UBAC1: variants seen among roughly 807,000 people sequenced by gnomAD.
The protein encoded by UBAC1 is ubiquitin-associated domain-containing protein 1.
A neutral mutation model predicts 45.9 loss-of-function variants in UBAC1; 27 were observed. The ratio of observed to expected loss-of-function variants is 0.59; its 90% CI spans 0.43 to 0.81. The LOEUF (loss-of-function observed/expected upper bound fraction) is 0.81, where lower values mean the gene tolerates loss of function less well. Ranked by LOEUF, UBAC1 falls within the 30% of genes least tolerant of loss-of-function variation. The pLI, the probability that UBAC1 is intolerant of heterozygous loss-of-function variation, is 0.00. For synonymous variants in UBAC1, 227 were observed against 215.5 expected, an observed-to-expected ratio of 1.05 and a Z score of -0.47; for missense variants, 529 against 539.2, an observed-to-expected ratio of 0.98 and a Z score of 0.19.
At chr9:135,954,256 G>T (rs1839440645) in intron 2 of UBAC1, among the ~76,000 whole-genome samples, 1 of 151,908 alleles carries the variant, frequency 6.6e-6, no homozygotes, top group Non-Finnish European at 1.5e-5. Flanking sequence ...GACCAGCCTG[G>T]ACAACATGGC....
In UBAC1 at chr9:135,933,290, G is replaced by A; in HGVS notation, c.*110C>T. ...AGGAGCAGCTGCAGCACCTCTAACAGTCCAGGGCTGAGGCGCTGAAGGTGA... is the reference window on the plus strand; with the variant it reads ...AGGAGCAGCTGCAGCACCTCTAACAATCCAGGGCTGAGGCGCTGAAGGTGA... On this transcript the variant is annotated 3_prime_UTR_variant, in exon 10 of 10. Coordinates refer to ENST00000371756, the MANE Select transcript of UBAC1 (RefSeq NM_016172.3). 1 of 836,022 alleles carries A rather than the reference G, an allele frequency of 1.2e-6. No homozygotes were observed. The highest frequency in any genetic ancestry group is 1.5e-5 in the South Asian group (1 of 66,576). The allele number at this position is 836,022 out of a possible 1,614,324, so 51.8% of individuals were successfully genotyped here.
chr9:135,945,121 C>T lies in UBAC1; in HGVS notation c.783G>A (p.Ala261=), dbSNP rs149265068. 3.5e-4 allele frequency: 569 copies of T among 1,614,024 alleles called. 2 individuals are homozygous for T. Among genetic ancestry groups the T allele is most frequent in the African/African-American group, 2.7e-3 (204 of 75,042 alleles). ...GATAAASEAA[A]GASATDEEAR... is the part of the protein sequence containing the mutation. ...CCTCCTCATCGGTGGCGCTGGCTCC[C>T]GCGGCAGCCTCGGAGGCAGCTGCTG... The change falls in exon 7 of 10, where the codon GCG becomes GCA. Residue 261 remains alanine, a synonymous_variant. Coordinates refer to ENST00000371756, the MANE Select transcript of UBAC1 (RefSeq NM_016172.3).
intron 9 of UBAC1, among the ~76,000 whole-genome samples, chr9:135,936,430 A>G (rs1486096782): frequency 6.6e-6 from 1 of 152,116 alleles, no homozygotes; most frequent in Non-Finnish European, 1.5e-5. Context: ...AGAAACTTTT[A>G]ACATTTTTGG....
At chr9:135,960,929 G>T in intron 1 of UBAC1, 96 bp downstream of exon 1, 1 of 1,170,968 alleles carries the variant, frequency 8.5e-7, no homozygotes, top group Non-Finnish European at 1.1e-6. Flanking sequence ...CTGGGCGGCG[G>T]ACCCCAGGTC....
At chr9:135,934,461 C>G (rs1839181798) in intron 9 of UBAC1, among the ~76,000 whole-genome samples, 1 of 152,180 alleles carries the variant, frequency 6.6e-6, no homozygotes, top group South Asian at 2.1e-4. Flanking sequence ...GAGATCGAGA[C>G]CATCCTGGCT....
At chr9:135,934,553 G>A (rs546597368) in intron 9 of UBAC1, among the ~76,000 whole-genome samples, 3 of 152,252 alleles carry the variant, frequency 2.0e-5, no homozygotes, top group Admixed American at 6.5e-5. Flanking sequence ...CCAGCTACTC[G>A]GAAGGCTGAG....
At chr9:135,938,576 G>A (rs555309449) in intron 8 of UBAC1, among the ~76,000 whole-genome samples, 11 of 152,388 alleles carry the variant, frequency 7.2e-5, no homozygotes, top group East Asian at 5.8e-4. Context: ...GAGCTAGTCC[G>A]CTTTTCTCTG....
chr9:135,959,473 C>T (rs1272439182), intron 1 of UBAC1, among the ~76,000 whole-genome samples: 2 of 147,418 alleles, frequency 1.4e-5, no homozygotes, highest in Non-Finnish European at 3.0e-5. Flanking sequence ...CTCCCGGGTT[C>T]AAGCGATTAC....
chr9:135,953,255 G>T (rs547459908), intron 3 of UBAC1, among the ~76,000 whole-genome samples: 1 of 152,300 alleles, frequency 6.6e-6, no homozygotes, highest in South Asian at 2.1e-4. Flanking sequence ...AATGGCGAAT[G>T]CGTGGGTTGG....
At chr9:135,935,423 A>T (rs922569686) in intron 9 of UBAC1, among the ~76,000 whole-genome samples, 4 of 152,090 alleles carry the variant, frequency 2.6e-5, no homozygotes, top group Non-Finnish European at 5.9e-5. Flanking sequence ...AGGTGGGGGG[A>T]GCGCTTGAAG....
intron 1 of UBAC1, among the ~76,000 whole-genome samples, chr9:135,957,290 C>G (rs369147042): frequency 5.6e-4 from 86 of 152,232 alleles, no homozygotes; most frequent in African/African-American, 2.0e-3. Flanking sequence ...GGGCAGAGAA[C>G]CCTCAAGTGC....
chr9:135,946,285 C>T lies in UBAC1; in HGVS notation c.528G>A (p.Leu176=). The change falls in exon 5 of 10, where the codon TTG becomes TTA. Residue 176 remains leucine (L), a synonymous_variant. Coordinates refer to ENST00000371756, the MANE Select transcript of UBAC1 (RefSeq NM_016172.3). ...GACTCATACCATTCGCCTTCTTAAA[C>T]AATTCCACTGCATCTGGGTTCAGCG... ...LLALNPDAVE[L]FKKANAMLDE... 1.2e-6 allele frequency: 2 copies of T among 1,613,214 alleles called. No homozygotes were observed. Among genetic ancestry groups the T allele is most frequent in the Non-Finnish European group, 8.5e-7 (1 of 1,179,160 alleles).
intron 9 of UBAC1, among the ~76,000 whole-genome samples, chr9:135,935,179 G>A (rs767903630): frequency 6.6e-6 from 1 of 152,096 alleles, no homozygotes; most frequent in African/African-American, 2.4e-5. Context: ...TTACAGGCAT[G>A]AGCCACCATG....
intron 1 of UBAC1, among the ~76,000 whole-genome samples, chr9:135,956,176 CG>C (rs1839463748): frequency 6.6e-6 from 1 of 152,130 alleles, no homozygotes; most frequent in Non-Finnish European, 1.5e-5. Flanking sequence ...GCAGCGCTCA[CG>C]GGGGACCTGG....
At chr9:135,960,641 G>A (rs1481894845) in intron 1 of UBAC1, among the ~76,000 whole-genome samples, 1 of 152,156 alleles carries the variant, frequency 6.6e-6, no homozygotes, top group African/African-American at 2.4e-5. Context: ...GGAAAGTCCC[G>A]AGGCCCTGCT....
intron 3 of UBAC1, among the ~76,000 whole-genome samples, chr9:135,949,019 C>T (rs1212750906): frequency 6.6e-6 from 1 of 151,446 alleles, no homozygotes; most frequent in Non-Finnish European, 1.5e-5. Context: ...GATCACACCA[C>T]CGCACTCAAG....
At chr9:135,956,412 C>T (rs553254778) in intron 1 of UBAC1, among the ~76,000 whole-genome samples, 16 of 152,280 alleles carry the variant, frequency 1.1e-4, no homozygotes, top group Admixed American at 2.6e-4. Context: ...CCTTTGAACA[C>T]GGGGGCTAGG....
chr9:135,954,002 G>A (rs2131093381), intron 2 of UBAC1: 2 of 224,406 alleles, frequency 8.9e-6, no homozygotes, highest in East Asian at 2.2e-4. Context: ...AGCCAGGCGT[G>A]GTGGCGCATG....
intron 7 of UBAC1, among the ~76,000 whole-genome samples, chr9:135,944,267 C>T (rs1042765830): frequency 6.6e-6 from 1 of 152,216 alleles, no homozygotes; most frequent in African/African-American, 2.4e-5. Flanking sequence ...CAGAAGCAAA[C>T]TCAGAATCAC....
Sources: gnomAD v4.1 joint callset for allele counts (sites outside exome capture counted in the v4.1 genomes callset) on GRCh38, gnomAD v4.1.1 for gene constraint, MANE v1.5 for transcripts, NCBI Gene and HGNC (gene_info 2026-07-23, HGNC 2026-07-21) for gene names.